The following SDK1 variants were observed in gnomAD, a reference collection of about 807,000 sequenced individuals.
The protein encoded by SDK1 is protein sidekick-1.
Under a neutral mutation model 245.5 loss-of-function variants are expected in SDK1, and 157 were observed. The observed-to-expected ratio is 0.64, with a 90% confidence interval of 0.56 to 0.73. SDK1 has a LOEUF of 0.73. Among genes scored for constraint, SDK1 ranks in the 30% least tolerant of loss-of-function variants. The pLI is 0.00. For missense variants in SDK1, 3,583 were observed against 3,002.3 expected (o/e 1.19, Z -4.52); for synonymous variants, 1,647 against 1,278.5 (o/e 1.29, Z -6.15).
rs149172457 is a variant in SDK1, at chr7:3,908,953, G to T, written c.848-41970G>T. ...CAGTGTGGGTGACACTGGAGTTGGG[G>T]TGGGCCATCAGGAGATGGAGGTGAG... On this transcript the variant is annotated intron_variant, in intron 5 of 44. Transcript: ENST00000404826. Among the ~76,000 whole-genome samples, 36 of 152,160 alleles carry T rather than the reference G, an allele frequency of 2.4e-4. No individual in the cohort carries two copies. In the East Asian group the frequency reaches 6.4e-3, roughly 27 times the overall value.
intron 1 of SDK1, among the ~76,000 whole-genome samples, chr7:3,360,773 C>T (rs545314546): frequency 6.6e-6 from 1 of 152,042 alleles, no homozygotes; most frequent in Non-Finnish European, 1.5e-5. Flanking sequence ...TAGCAGTCCC[C>T]CCTCCCCACA....
chr7:4,219,897 C>T lies in SDK1; in HGVS notation c.5540-212C>T, dbSNP rs1785044293. ...TTGTGTTGTCAGCCTCAGTTGTTTT[C>T]TTTGTCAGCACCCACTTACCAAGCT... On this transcript the variant is annotated intron_variant, in intron 38 of 44. Transcript: ENST00000404826. 2.7e-5 allele frequency among the ~76,000 whole-genome samples: 4 copies of T among 146,062 alleles called. No individual in the cohort carries two copies. In the South Asian group the frequency reaches 9.0e-4, roughly 33 times the overall value.
intron 1 of SDK1, among the ~76,000 whole-genome samples, chr7:3,315,637 TTA>T (rs1779647272): frequency 6.6e-6 from 1 of 152,232 alleles, no homozygotes; most frequent in Admixed American, 6.5e-5. Flanking sequence ...CTTATCTCTG[TTA>T]TAGGGATTTC....
intron 1 of SDK1, among the ~76,000 whole-genome samples, chr7:3,609,453 C>T (rs563474758): frequency 1.8e-4 from 28 of 152,082 alleles, no homozygotes; most frequent in Admixed American, 1.0e-3. Flanking sequence ...CAGGCTGGAG[C>T]GCAGTGGTGT....
intron 1 of SDK1, among the ~76,000 whole-genome samples, chr7:3,596,406 G>C (rs1376634938): frequency 2.0e-5 from 3 of 152,204 alleles, no homozygotes; most frequent in African/African-American, 7.2e-5. Context: ...AGGAAAGTGT[G>C]TCTCCATTTC....
intron 1 of SDK1, among the ~76,000 whole-genome samples, chr7:3,530,332 C>T (rs1053979570): frequency 6.6e-6 from 1 of 152,066 alleles, no homozygotes; most frequent in African/African-American, 2.4e-5. Flanking sequence ...TCCCACCCCC[C>T]GCATAAACAT....
chr7:4,258,727 C>G (rs377399492), intron 44 of SDK1, among the ~76,000 whole-genome samples: 1 of 152,162 alleles, frequency 6.6e-6, no homozygotes, highest in Non-Finnish European at 1.5e-5. Flanking sequence ...TTTTTCCCCA[C>G]TAGGATCCCT....
At position 4,041,804 on chromosome 7, in the gene SDK1, C is replaced by G. The variant is rs1193337406; in HGVS notation, c.2603-7544C>G. On this transcript the variant is annotated intron_variant, in intron 17 of 44. Coordinates refer to ENST00000404826, the MANE Select transcript of SDK1 (RefSeq NM_152744.4). ...GTGAAAACAGCATGAAATGTAACTT[C>G]AACAGCTGCAATTTTTTTTTTCTTT... Among the ~76,000 whole-genome samples the G allele has an allele frequency of 2.2e-5, 3 of 136,074 alleles. 1 individual carries two copies. The highest frequency in any genetic ancestry group is 4.6e-5 in the Non-Finnish European group (3 of 65,788). The allele number at this position is 136,074 out of a possible 152,430, so 89.3% of individuals were successfully genotyped here.
At chr7:3,416,762 G>A (rs925726959) in intron 1 of SDK1, among the ~76,000 whole-genome samples, 2 of 152,172 alleles carry the variant, frequency 1.3e-5, no homozygotes, top group African/African-American at 4.8e-5. Context: ...CTCTGGGGTT[G>A]TGTGTGACCA....
chr7:3,336,638 C>G (rs897031496), intron 1 of SDK1, among the ~76,000 whole-genome samples: 1 of 152,214 alleles, frequency 6.6e-6, no homozygotes, highest in Admixed American at 6.5e-5. Context: ...ATAGGGCCCC[C>G]GGGGGTCCTG....
intron 44 of SDK1, among the ~76,000 whole-genome samples, chr7:4,255,185 TG>T (rs1160161113): frequency 6.6e-6 from 1 of 152,252 alleles, no homozygotes; most frequent in Non-Finnish European, 1.5e-5. Flanking sequence ...CCGCTTCCAT[TG>T]TTGCTGACAT....
At chr7:4,087,130 A>G (rs10261605) in intron 22 of SDK1, among the ~76,000 whole-genome samples, 5,571 of 151,900 alleles carry the variant, frequency 0.037, 297 homozygotes, top group African/African-American at 0.12. Flanking sequence ...TTCAGGTTCT[A>G]AAGGAACCCA....
chr7:3,638,211 T>C (rs1054409289), intron 2 of SDK1, among the ~76,000 whole-genome samples: 8 of 152,292 alleles, frequency 5.3e-5, no homozygotes, highest in African/African-American at 1.9e-4. Flanking sequence ...AAAGCCCAGT[T>C]GGGGAGACAG....
At chr7:3,560,712 G>C (rs1779723624) in intron 1 of SDK1, among the ~76,000 whole-genome samples, 1 of 152,076 alleles carries the variant, frequency 6.6e-6, no homozygotes, top group Non-Finnish European at 1.5e-5. Context: ...ACAGAGTTCA[G>C]ACCCACGTCT....
At chr7:3,470,022 A>T (rs2128598092) in intron 1 of SDK1, among the ~76,000 whole-genome samples, 1 of 152,300 alleles carries the variant, frequency 6.6e-6, no homozygotes, top group South Asian at 2.1e-4. Context: ...GGCCAGAAGC[A>T]ACTGCTTTTC....
intron 7 of SDK1, among the ~76,000 whole-genome samples, chr7:3,953,155 A>G (rs1398752524): frequency 1.4e-5 from 2 of 146,088 alleles, no homozygotes; most frequent in African/African-American, 5.0e-5. Context: ...GCAGTCTGCC[A>G]CTTTGCAAAA....
intron 4 of SDK1, among the ~76,000 whole-genome samples, chr7:3,655,072 A>C (rs1583275944): frequency 6.8e-6 from 1 of 146,030 alleles, no homozygotes; most frequent in Non-Finnish European, 1.5e-5. Context: ...TGGCTCTTAA[A>C]TCTGTACCCA....
At chr7:3,343,362 A>C (rs1780405179) in intron 1 of SDK1, among the ~76,000 whole-genome samples, 1 of 152,236 alleles carries the variant, frequency 6.6e-6, no homozygotes, top group Non-Finnish European at 1.5e-5. Context: ...TGATGCACCT[A>C]CTGTGAATCT....
intron 17 of SDK1, among the ~76,000 whole-genome samples, chr7:4,042,428 T>C (rs1420311083): frequency 7.3e-6 from 1 of 137,084 alleles, no homozygotes; most frequent in Non-Finnish European, 1.5e-5. Flanking sequence ...ACTTTGTCAT[T>C]GGCTGTGAGC....
Sources: allele counts gnomAD v4.1 joint callset (sites outside exome capture counted in the v4.1 genomes callset), GRCh38; gene constraint gnomAD v4.1.1; transcripts MANE v1.5; gene names NCBI Gene and HGNC (gene_info 2026-07-23, HGNC 2026-07-21).